Variants in OR56A3 observed in about 807,000 individuals in gnomAD.
The protein encoded by OR56A3 is olfactory receptor 56A3.
OR56A3 carries 23 observed loss-of-function variants against 17.5 expected under a neutral mutation model. The ratio of observed to expected loss-of-function variants is 1.32; its 90% CI spans 0.95 to 1.87. OR56A3 has a LOEUF of 1.87. Ranked by LOEUF, OR56A3 falls within the 40% of genes most tolerant of loss-of-function variation. The pLI is 0.00. For synonymous variants in OR56A3, 175 were observed against 150.6 expected, an observed-to-expected ratio of 1.16 and a Z score of -1.19; for missense variants, 366 against 380.1, an observed-to-expected ratio of 0.96 and a Z score of 0.31.
At chr11:5,989,772 T>G in the OR56A3 span, among the ~76,000 whole-genome samples, 40 of 152,332 alleles carry the variant, frequency 2.6e-4, no homozygotes, top group African/African-American at 9.1e-4. Context: ...CTCTTAAAGC[T>G]CTTGAATTTT....
chr11:5,955,889 C>T (rs1395603725), downstream of OR56A3, among the ~76,000 whole-genome samples: 1 of 152,136 alleles, frequency 6.6e-6, no homozygotes, highest in East Asian at 1.9e-4. Context: ...CCTTTTTAAC[C>T]CTTTTCCCAT....
At position 5,947,757 on chromosome 11, in the gene OR56A3, A is replaced by G; in HGVS notation, c.411A>G (p.Pro137=). The change falls in exon 3 of 3, where the codon CCA becomes CCG. Residue 137 remains proline, a synonymous_variant. Transcript: ENST00000641160. ...CCATCTGCCACCCACTGAGATATCC[A>G]TCAATCATCACTGATCACTTTGTAG... ...YVAICHPLRY[P]SIITDHFVVK... The G allele has an allele frequency of 6.2e-7, 1 of 1,614,190 alleles. No individual in the cohort carries two copies. Among genetic ancestry groups the G allele is most frequent in the Non-Finnish European group, 8.5e-7 (1 of 1,180,030 alleles).
the OR56A3 span, chr11:5,986,080 T>G: frequency 6.2e-7 from 1 of 1,613,972 alleles, no homozygotes. Flanking sequence ...GGGTACATGA[T>G]GACCAAAGCG....
the OR56A3 span, chr11:6,002,640 A>G: frequency 3.1e-6 from 5 of 1,614,256 alleles, no homozygotes; most frequent in Admixed American, 1.7e-5. Context: ...CATGACCATG[A>G]ACGTGCAGGA....
chr11:5,994,595 T>G, the OR56A3 span: 1 of 808,336 alleles, frequency 1.2e-6, no homozygotes, highest in East Asian at 2.5e-5. Flanking sequence ...ATTGGTGTCA[T>G]CAATGACCTT....
At chr11:6,021,537 A>G in the OR56A3 span, 1 of 152,114 alleles carries the variant, frequency 6.6e-6, no homozygotes, top group African/African-American at 2.4e-5. Context: ...TGAATAATTA[A>G]ATAAAAAATT....
intron 1 of OR56A3, among the ~76,000 whole-genome samples, chr11:5,942,819 G>A (rs1281440787): frequency 6.6e-6 from 1 of 152,242 alleles, no homozygotes; most frequent in African/African-American, 2.4e-5. Context: ...CCTGAGAGAG[G>A]TATCTTACAG....
the OR56A3 span, among the ~76,000 whole-genome samples, chr11:6,018,537 C>G: frequency 6.6e-6 from 1 of 151,926 alleles, no homozygotes; most frequent in South Asian, 2.1e-4. Context: ...CTATGGAATA[C>G]AGCAAAAGCA....
At chr11:5,967,843 C>T in the OR56A3 span, 1 of 1,566,216 alleles carries the variant, frequency 6.4e-7, no homozygotes, top group South Asian at 1.2e-5. Flanking sequence ...TAAGAGAGAA[C>T]AATAAGGATG....
At chr11:6,004,286 G>A in the OR56A3 span, among the ~76,000 whole-genome samples, 1,540 of 152,162 alleles carry the variant, frequency 0.01, 22 homozygotes, top group African/African-American at 0.034. Context: ...CCTGGGGGGC[G>A]GAGGTTGCAG....
chr11:6,004,298 G>A, the OR56A3 span, among the ~76,000 whole-genome samples: 1 of 152,230 alleles, frequency 6.6e-6, no homozygotes, highest in Non-Finnish European at 1.5e-5. Flanking sequence ...AGGTTGCAGT[G>A]AGCCGAGATC....
the OR56A3 span, among the ~76,000 whole-genome samples, chr11:5,974,845 A>C: frequency 1.3e-5 from 2 of 152,230 alleles, no homozygotes; most frequent in Non-Finnish European, 2.9e-5. Flanking sequence ...AGATTAAAAG[A>C]GTCAATATAT....
the OR56A3 span, among the ~76,000 whole-genome samples, chr11:6,011,415 C>T: frequency 5.3e-5 from 8 of 152,200 alleles, no homozygotes; most frequent in East Asian, 1.4e-3. Flanking sequence ...CCCTTGTTAG[C>T]TCTGTTCATG....
Position 5,947,926 on chromosome 11 carries a change from G to A in OR56A3, c.580G>A (p.Asp194Asn), listed in dbSNP as rs781614186. The change falls in exon 3 of 3, where the codon GAT becomes AAT. Residue 194 changes from aspartate to asparagine, a missense_variant. Asp to Asn is a conservative substitution (Grantham distance 23). Coordinates refer to ENST00000641160, the MANE Select transcript of OR56A3 (RefSeq NM_001003443.3). Reference protein sequence around the residue: ...ANMSVSRLSCDDVTINHLYQF... With the variant: ...ANMSVSRLSCNDVTINHLYQF... Reference sequence around the variant, plus strand: ...TATGTCTGTTTCCAGACTCTCCTGCGATGATGTCACCATCAATCACCTTTA... The same window carrying A: ...TATGTCTGTTTCCAGACTCTCCTGCAATGATGTCACCATCAATCACCTTTA... 6.2e-6 allele frequency: 10 copies of A among 1,614,072 alleles called. No individual in the cohort carries two copies. The highest frequency in any genetic ancestry group is 2.2e-5 in the East Asian group (1 of 44,878).
chr11:5,958,818 T>C, the OR56A3 span, among the ~76,000 whole-genome samples: 1 of 152,188 alleles, frequency 6.6e-6, no homozygotes, highest in East Asian at 1.9e-4. Flanking sequence ...TTTGTGGTAA[T>C]AGCCTTCTAG....
the OR56A3 span, among the ~76,000 whole-genome samples, chr11:6,013,930 C>T: frequency 6.6e-6 from 1 of 152,166 alleles, no homozygotes; most frequent in African/African-American, 2.4e-5. Context: ...TCACTGCTAC[C>T]ACTGCCAACA....
At chr11:5,966,863 TA>T in the OR56A3 span, among the ~76,000 whole-genome samples, 3 of 145,538 alleles carry the variant, frequency 2.1e-5, no homozygotes, top group Admixed American at 6.9e-5. Context: ...AAATATATCT[TA>T]AAAAAGGACA....
At chr11:6,013,589 A>G in the OR56A3 span, among the ~76,000 whole-genome samples, 103,325 of 152,068 alleles carry the variant, frequency 0.68, 35,437 homozygotes, top group East Asian at 0.94. Context: ...GGGCCCACTC[A>G]GCTGTGCAGT....
the OR56A3 span, among the ~76,000 whole-genome samples, chr11:5,987,941 C>A: frequency 1.3e-5 from 2 of 151,934 alleles, no homozygotes; most frequent in Non-Finnish European, 2.9e-5. Flanking sequence ...AGATTAAAAT[C>A]CTTTGGTGAA....
Sources: gnomAD v4.1 joint callset for allele counts (sites outside exome capture counted in the v4.1 genomes callset) on GRCh38, gnomAD v4.1.1 for gene constraint, MANE v1.5 for transcripts, NCBI Gene and HGNC (gene_info 2026-07-23, HGNC 2026-07-21) for gene names.